The following ANKRD30B variants were observed in gnomAD, a reference collection of about 807,000 sequenced individuals.
ANKRD30B encodes the protein ankyrin repeat domain-containing protein 30B.
Under a neutral mutation model 202.2 loss-of-function variants are expected in ANKRD30B, and 144 were observed. The observed-to-expected ratio is 0.71, with a 90% CI of 0.62 to 0.82. ANKRD30B has a LOEUF of 0.82. Among genes scored for constraint, ANKRD30B ranks in the 40% least tolerant of loss-of-function variants. The pLI, the probability that ANKRD30B is intolerant of heterozygous loss-of-function variation, is 0.00. For synonymous variants in ANKRD30B, 508 were observed against 561.3 expected (o/e 0.91, Z 1.34); for missense variants, 1,487 against 1,669.1 (o/e 0.89, Z 1.90).
chr18:14,846,125 T>G (rs1971628772), intron 39 of ANKRD30B, among the ~76,000 whole-genome samples: 1 of 152,138 alleles, frequency 6.6e-6, no homozygotes, highest in Non-Finnish European at 1.5e-5. Flanking sequence ...CTTGAGAGTC[T>G]TCTAATGTAG....
chr18:14,818,784 C>T (rs1173230813), intron 30 of ANKRD30B, among the ~76,000 whole-genome samples: 1 of 151,872 alleles, frequency 6.6e-6, no homozygotes, highest in Non-Finnish European at 1.5e-5. Context: ...GGGTTGGTTC[C>T]AAGTCTTTGC....
At chr18:14,939,495 G>C in the ANKRD30B span, among the ~76,000 whole-genome samples, 1 of 152,184 alleles carries the variant, frequency 6.6e-6, no homozygotes, top group Admixed American at 6.5e-5. Context: ...CTGGCTCTAG[G>C]CACTCATTCA....
At chr18:14,784,396 C>A in intron 13 of ANKRD30B, 32 bp downstream of exon 13, 3 of 1,612,302 alleles carry the variant, frequency 1.9e-6, no homozygotes, top group African/African-American at 2.7e-5. Context: ...TTTTGAATGA[C>A]TTATTAACTA....
chr18:14,880,289 T>A, the ANKRD30B span, among the ~76,000 whole-genome samples: 3 of 152,176 alleles, frequency 2.0e-5, no homozygotes, highest in African/African-American at 7.2e-5. Flanking sequence ...TATGGCCTTA[T>A]TGTACAGTTT....
intron 10 of ANKRD30B, 106 bp from the exon 11 acceptor site, chr18:14,779,854 C>G (rs879072410): frequency 1.6e-6 from 1 of 612,962 alleles, no homozygotes; most frequent in Non-Finnish European, 2.6e-6. Context: ...TATACAGGCT[C>G]CAGAAGAAAG....
At chr18:14,767,569 G>A (rs150728501) in intron 7 of ANKRD30B, among the ~76,000 whole-genome samples, 3,572 of 152,188 alleles carry the variant, frequency 0.023, 156 homozygotes, top group African/African-American at 0.082. Context: ...GAATGAGGTA[G>A]GAGTTGTCAT....
intron 16 of ANKRD30B, among the ~76,000 whole-genome samples, chr18:14,794,972 T>C (rs1968774807): frequency 6.6e-6 from 1 of 152,234 alleles, no homozygotes; most frequent in Non-Finnish European, 1.5e-5. Context: ...CTGTTTTTTC[T>C]TGAAGCTAAG....
the ANKRD30B span, among the ~76,000 whole-genome samples, chr18:14,906,632 A>G: frequency 6.6e-6 from 1 of 152,056 alleles, no homozygotes; most frequent in East Asian, 1.9e-4. Flanking sequence ...TTTTTTGCAC[A>G]CACACTTCTC....
chr18:14,897,365 G>A, the ANKRD30B span, among the ~76,000 whole-genome samples: 488 of 152,176 alleles, frequency 3.2e-3, 3 homozygotes, highest in Non-Finnish European at 3.0e-3. Flanking sequence ...AATTTTAGTA[G>A]AGACCCGGTT....
chr18:14,763,462 G>T (rs555273000), intron 6 of ANKRD30B, among the ~76,000 whole-genome samples: 1 of 151,978 alleles, frequency 6.6e-6, no homozygotes, highest in Admixed American at 6.6e-5. Flanking sequence ...TAGGAGAGTC[G>T]CTTGAGGTAG....
chr18:14,798,953 C>G, intron 20 of ANKRD30B, 148 bp from the exon 21 acceptor site: 1 of 874,458 alleles, frequency 1.1e-6, no homozygotes, highest in Non-Finnish European at 1.9e-6. Flanking sequence ...TTAACAAATA[C>G]AATAACCCAA....
At chr18:14,756,011 T>C (rs1439541235) in intron 4 of ANKRD30B, among the ~76,000 whole-genome samples, 1 of 152,082 alleles carries the variant, frequency 6.6e-6, no homozygotes, top group Admixed American at 6.6e-5. Context: ...CTAGTTTACA[T>C]TCCCACCAAC....
chr18:14,790,873 C>T (rs948414861), intron 15 of ANKRD30B, among the ~76,000 whole-genome samples: 3 of 151,988 alleles, frequency 2.0e-5, no homozygotes, highest in African/African-American at 7.3e-5. Context: ...GTGTCTCTGC[C>T]TGGCTTTGGT....
At chr18:14,923,477 C>T in the ANKRD30B span, among the ~76,000 whole-genome samples, 1 of 151,996 alleles carries the variant, frequency 6.6e-6, no homozygotes, top group Non-Finnish European at 1.5e-5. Context: ...GGTGCCAGCT[C>T]AGCTGCAGTA....
chr18:14,809,302 C>A (rs2144049302), intron 26 of ANKRD30B, among the ~76,000 whole-genome samples: 1 of 150,872 alleles, frequency 6.6e-6, no homozygotes, highest in East Asian at 1.9e-4. Flanking sequence ...TCTAACAGAG[C>A]CTTAAAAAAG....
downstream of ANKRD30B, among the ~76,000 whole-genome samples, chr18:14,855,215 G>C (rs1419320079): frequency 1.3e-5 from 2 of 152,152 alleles, no homozygotes; most frequent in Non-Finnish European, 2.9e-5. Context: ...GAGAGCACGG[G>C]GTTGGGGGTA....
chr18:14,867,339 G>A, the ANKRD30B span, among the ~76,000 whole-genome samples: 1 of 147,436 alleles, frequency 6.8e-6, no homozygotes, highest in Non-Finnish European at 1.5e-5. Context: ...GGTGGTATGG[G>A]GGGAGGCTGC....
At chr18:14,903,376 T>G in the ANKRD30B span, among the ~76,000 whole-genome samples, 1 of 152,286 alleles carries the variant, frequency 6.6e-6, no homozygotes, top group South Asian at 2.1e-4. Context: ...GAGATGGGAA[T>G]GTAGGTAATT....
the ANKRD30B span, among the ~76,000 whole-genome samples, chr18:14,904,400 TA>T: frequency 6.6e-6 from 1 of 152,192 alleles, no homozygotes. Context: ...GGGCCTGAGC[TA>T]ACCTCAGTTT....
Sources: gnomAD v4.1 joint callset for allele counts (sites outside exome capture counted in the v4.1 genomes callset) on GRCh38, gnomAD v4.1.1 for gene constraint, MANE v1.5 for transcripts, NCBI Gene and HGNC (gene_info 2026-07-23, HGNC 2026-07-21) for gene names.